CFL1: variants seen among roughly 807,000 people sequenced by gnomAD.
CFL1 encodes the protein cofilin-1.
A neutral mutation model predicts 16.3 loss-of-function variants in CFL1; 2 were observed. The ratio of observed to expected loss-of-function variants is 0.12; its 90% CI spans 0.05 to 0.39. The LOEUF (loss-of-function observed/expected upper bound fraction) is 0.39. CFL1 is among the 10% of genes least tolerant of loss of function. The probability of loss-of-function intolerance (pLI) is 0.99; values close to 1 mark genes in which losing one functional copy is unlikely to be tolerated. For synonymous variants in CFL1, 111 were observed against 84.4 expected, an observed-to-expected ratio of 1.31 and a Z score of -1.73; for missense variants, 75 against 212.2, an observed-to-expected ratio of 0.35 and a Z score of 4.02.
chr11:65,855,674 G>A lies in CFL1; in HGVS notation c.368C>T (p.Ala123Val). The change falls in exon 3 of 4, where the codon GCC becomes GTC. Residue 123 changes from alanine (A) to valine (V), a missense_variant. Physicochemically the swap from Ala to Val is moderately conservative, Grantham distance 64 (BLOSUM62 0). Coordinates refer to ENST00000308162, the MANE Select transcript of CFL1 (RefSeq NM_005507.3). ...SKMIYASSKDAIKKKLTGIKH... is the reference protein window; with the variant it reads ...SKMIYASSKDVIKKKLTGIKH... The stretch of plus-strand genomic sequence containing the variant: ...CTTACCTGTCAGCTTCTTCTTGATG[G>A]CGTCCTTGGAGCTGGCATAAATCAT... 1 of 1,572,800 alleles carries A rather than the reference G, an allele frequency of 6.4e-7. No homozygotes were observed. The highest frequency in any genetic ancestry group is 1.4e-5 in the African/African-American group (1 of 73,426).
Position 65,855,275 on chromosome 11 carries a change from T to C in CFL1, c.*61A>G. 1 of 1,423,292 alleles carries C rather than the reference T, an allele frequency of 7.0e-7. No individual in the cohort carries two copies. The highest frequency in any genetic ancestry group is 9.9e-7 in the Non-Finnish European group (1 of 1,010,598). The allele number at this position is 1,423,292 out of a possible 1,614,324, so 88.2% of individuals were successfully genotyped here. On this transcript the variant is annotated 3_prime_UTR_variant, in exon 4 of 4. Coordinates refer to ENST00000308162, the MANE Select transcript of CFL1 (RefSeq NM_005507.3). ...CCGGTCTGGCAGGAAGGGGGCAGCC[T>C]GCAACCCCCAAGGGCAGGTGTGGGG...
At chr11:65,857,354 T>A (rs931216177) in intron 1 of CFL1, 1 of 380,562 alleles carries the variant, frequency 2.6e-6, no homozygotes, top group Non-Finnish European at 5.4e-6. Flanking sequence ...GCCCAGGGCT[T>A]CGGCACCGGC....
chr11:65,857,227 T>C, intron 1 of CFL1: 3 of 249,220 alleles, frequency 1.2e-5, no homozygotes, highest in Non-Finnish European at 2.6e-5. Context: ...ACCTTCGGTT[T>C]TCTCAGCCCT....
At chr11:65,855,839 C>G in intron 2 of CFL1, 96 bp downstream of exon 2, 2 of 1,513,680 alleles carry the variant, frequency 1.3e-6, no homozygotes, top group Non-Finnish European at 1.8e-6. Flanking sequence ...CCCCCTCCCC[C>G]TCCAAACCCA....
chr11:65,857,857 G>A, intron 1 of CFL1: 1 of 305,870 alleles, frequency 3.3e-6, no homozygotes, highest in African/African-American at 2.2e-5. Context: ...GTGTCCGCGC[G>A]GGCGCACCAG....
chr11:65,857,270 GGCGGTGCCC>G (rs895548869), intron 1 of CFL1: 1 of 280,006 alleles, frequency 3.6e-6, no homozygotes, highest in African/African-American at 2.3e-5. Flanking sequence ...GTGGTTTCCG[GGCGGTGCCC>G]GCCTGGGTCA....
Position 65,858,122 on chromosome 11 carries a change from G to T in CFL1, c.-23C>A, listed in dbSNP as rs751763589. On this transcript the variant is annotated 5_prime_UTR_variant, in exon 1 of 4. Transcript: ENST00000308162. ...CATGTTTCCGGAAACGAAAAGGAGA[G>T]GGCACCGAGAGCCGCAGAAGACGAG... The T allele has an allele frequency of 6.6e-7, 1 of 1,526,230 alleles. No individual in the cohort carries two copies. The highest frequency in any genetic ancestry group is 8.8e-7 in the Non-Finnish European group (1 of 1,136,884). 94.5% of individuals were successfully genotyped at this position (1,526,230 alleles called of 1,614,324 possible). A position where few individuals can be genotyped will look rare whatever the true frequency, so the allele number is the denominator to read the frequency against.
At position 65,855,018 on chromosome 11, in the gene CFL1, C is replaced by T. The variant is rs1259075765; in HGVS notation, c.*318G>A. The T allele has an allele frequency of 3.0e-6, 1 of 332,952 alleles. No individual in the cohort carries two copies. The highest frequency in any genetic ancestry group is 2.9e-5 in the South Asian group (1 of 34,122). The allele number at this position is 332,952 out of a possible 1,614,324, so 20.6% of individuals were successfully genotyped here. A position where few individuals can be genotyped will look rare whatever the true frequency, so the allele number is the denominator to read the frequency against. ...TTGGCAGCATGGGAAGGGGGAGGACCAGGTGGGGAATGGGGATGTTGTTAA... is the reference window on the plus strand; with the variant it reads ...TTGGCAGCATGGGAAGGGGGAGGACTAGGTGGGGAATGGGGATGTTGTTAA... On this transcript the variant is annotated 3_prime_UTR_variant, in exon 4 of 4. Transcript: ENST00000308162.
Position 65,855,378 on chromosome 11 carries a change from C to T in CFL1, c.459G>A (p.Leu153=), listed in dbSNP as rs1193492449. 6.2e-7 allele frequency: 1 copy of T among 1,612,638 alleles called. No homozygotes were observed. The highest frequency in any genetic ancestry group is 8.5e-7 in the Non-Finnish European group (1 of 1,179,846). ...CCAGGGAGATGACGGCACTGCCCCC[C>T]AGCTTCTCTGCCAGGGTGCAGCGGT... ...VKDRCTLAEK[L]GGSAVISLEG... Residue 153 remains leucine, a synonymous_variant, in exon 4 of 4, where the codon CTG becomes CTA. Coordinates refer to ENST00000308162, the MANE Select transcript of CFL1 (RefSeq NM_005507.3).
chr11:65,855,760 C>T (rs1369201460), intron 2 of CFL1, 30 bp from the exon 3 acceptor site: 1 of 1,527,150 alleles, frequency 6.5e-7, no homozygotes, highest in South Asian at 1.3e-5. Flanking sequence ...AGGCAACTCC[C>T]AGCAACAGCA....
chr11:65,856,519 A>T (rs1034975109), intron 1 of CFL1: 1 of 397,308 alleles, frequency 2.5e-6, no homozygotes, highest in African/African-American at 2.0e-5. Flanking sequence ...CAAAATGTGA[A>T]CCCAGAATTA....
chr11:65,857,393 C>A (rs1367201643), intron 1 of CFL1: 3 of 427,854 alleles, frequency 7.0e-6, no homozygotes, highest in East Asian at 1.6e-4. Context: ...GCGCACGCGC[C>A]GACAGACAGC....
Position 65,855,300 on chromosome 11 carries a change from G to T in CFL1, c.*36C>A. The T allele has an allele frequency of 6.5e-7, 1 of 1,545,094 alleles. No individual in the cohort carries two copies. The highest frequency in any genetic ancestry group is 8.9e-7 in the Non-Finnish European group (1 of 1,119,412). On this transcript the variant is annotated 3_prime_UTR_variant, in exon 4 of 4. Coordinates refer to ENST00000308162, the MANE Select transcript of CFL1 (RefSeq NM_005507.3). ...TGCAACCCCCAAGGGCAGGTGTGGG[G>T]CTGCCAGATGCTCCAGGCAGGGGGC...
chr11:65,855,942 T>G lies in CFL1; in HGVS notation c.304A>C (p.Ile102Leu), dbSNP rs771780921. The G allele has an allele frequency of 6.2e-7, 1 of 1,610,536 alleles. No homozygotes were observed. The highest frequency in any genetic ancestry group is 8.5e-7 in the Non-Finnish European group (1 of 1,176,954). The change falls in exon 2 of 4, where the codon ATC (isoleucine) becomes CTC (leucine). Residue 102 changes from isoleucine (I) to leucine (L), a missense_variant. Coordinates refer to ENST00000308162, the MANE Select transcript of CFL1 (RefSeq NM_005507.3). ...KESKKEDLVF[I>L]FWAPESAPLK... ...GTGCCAGAATGAGCTCACCAGAAGA[T>G]AAACACCAGATCCTCCTTCTTGCTC...
At chr11:65,857,093 C>G (rs1009893909) in intron 1 of CFL1, 1 of 157,118 alleles carries the variant, frequency 6.4e-6, no homozygotes, top group Non-Finnish European at 1.4e-5. Flanking sequence ...GCCCCCTCAC[C>G]AATGCAGAAA....
chr11:65,857,232 A>G, intron 1 of CFL1: 1 of 250,832 alleles, frequency 4.0e-6, no homozygotes, highest in South Asian at 2.8e-5. Context: ...CGGTTTTCTC[A>G]GCCCTCGGGC....
At chr11:65,856,326 C>T (rs1179617834) in intron 1 of CFL1, 84 bp from the exon 2 acceptor site, 3 of 1,380,654 alleles carry the variant, frequency 2.2e-6, no homozygotes, top group East Asian at 2.3e-5. Flanking sequence ...GTCCACGTCC[C>T]GAGTGGTCAC....
intron 1 of CFL1, chr11:65,857,453 T>C (rs1002991371): frequency 9.3e-6 from 4 of 428,656 alleles, no homozygotes; most frequent in Non-Finnish European, 1.4e-5. Flanking sequence ...GCTCGTTAGA[T>C]GCGCTCCCGA....
Position 65,855,331 on chromosome 11 carries a change from G to A in CFL1, c.*5C>T. On this transcript the variant is annotated 3_prime_UTR_variant, in exon 4 of 4. Transcript: ENST00000308162. Reference sequence around the variant, plus strand: ...AGATGCTCCAGGCAGGGGGCCAGAAGGGGCTCACAAAGGCTTGCCCTCCAG... The same window carrying A: ...AGATGCTCCAGGCAGGGGGCCAGAAAGGGCTCACAAAGGCTTGCCCTCCAG... 1.2e-6 allele frequency: 2 copies of A among 1,610,438 alleles called. No homozygotes were observed. Among genetic ancestry groups the A allele is most frequent in the Non-Finnish European group, 1.7e-6 (2 of 1,178,702 alleles).
Sources: allele counts gnomAD v4.1 joint callset, GRCh38; gene constraint gnomAD v4.1.1; transcripts MANE v1.5; gene names NCBI Gene and HGNC (gene_info 2026-07-23, HGNC 2026-07-21).